The following AUTS2 variants were observed in gnomAD, a reference collection of about 807,000 sequenced individuals.
AUTS2 encodes the protein activator of transcription and developmental regulator AUTS2.
AUTS2 carries 17 observed loss-of-function variants against 112.4 expected under a neutral mutation model. That is an observed-to-expected ratio of 0.15 (90% CI 0.10 to 0.23). AUTS2 has a LOEUF of 0.23. Ranked by LOEUF, AUTS2 falls within the 10% of genes least tolerant of loss-of-function variation. The pLI is 1.00. For missense variants in AUTS2, 1,510 were observed against 1,701.6 expected (o/e 0.89, Z 1.98); for synonymous variants, 751 against 702.7 (o/e 1.07, Z -1.09).
At chr7:70,141,664 C>T (rs557618582) in intron 4 of AUTS2, among the ~76,000 whole-genome samples, 18 of 152,244 alleles carry the variant, frequency 1.2e-4, no homozygotes, top group Middle Eastern at 3.4e-3. Context: ...GACTCCTCCA[C>T]GTGGCGCAGA....
chr7:70,584,691 C>T (rs979031440), intron 5 of AUTS2, among the ~76,000 whole-genome samples: 1 of 152,274 alleles, frequency 6.6e-6, no homozygotes, highest in Admixed American at 6.5e-5. Flanking sequence ...AGCCCCAGAG[C>T]ACCCCTTCAC....
chr7:69,696,774 A>C (rs977160511), intron 1 of AUTS2, among the ~76,000 whole-genome samples: 1 of 152,112 alleles, frequency 6.6e-6, no homozygotes, highest in African/African-American at 2.4e-5. Flanking sequence ...TTTTTTTTCT[A>C]GTGTCTCAGC....
chr7:69,626,372 T>C lies in AUTS2; in HGVS notation c.309+26410T>C, dbSNP rs141224627. 8.4e-3 allele frequency among the ~76,000 whole-genome samples: 1,279 copies of C among 152,330 alleles called. 10 individuals carry two copies. The highest frequency in any genetic ancestry group is 0.014 in the Non-Finnish European group (938 of 68,036). ...TCTTTTAAGCTCCAATTTTCTGTTA[T>C]GTTTTACTTAAACCCCGCCTGGTTG... On this transcript the variant is annotated intron_variant, in intron 1 of 18. Coordinates refer to ENST00000342771, the MANE Select transcript of AUTS2 (RefSeq NM_015570.4).
At chr7:70,245,144 GTA>G (rs71077638) in intron 4 of AUTS2, among the ~76,000 whole-genome samples, 68,598 of 108,938 alleles carry the variant, frequency 0.63, 21,697 homozygotes, top group Admixed American at 0.71. Context: ...GTGTGTGTGT[GTA>G]TATATATATA....
At chr7:70,522,059 A>T (rs1799666781) in intron 5 of AUTS2, among the ~76,000 whole-genome samples, 1 of 152,176 alleles carries the variant, frequency 6.6e-6, no homozygotes, top group Non-Finnish European at 1.5e-5. Flanking sequence ...TAGCATTATT[A>T]TTGCTATGGC....
chr7:70,324,744 A>G (rs1190659593), intron 4 of AUTS2, among the ~76,000 whole-genome samples: 2 of 152,248 alleles, frequency 1.3e-5, no homozygotes, highest in African/African-American at 4.8e-5. Flanking sequence ...TTTCCTAGGA[A>G]GAGCACTAGA....
chr7:70,079,063 C>T (rs2129564342), intron 2 of AUTS2, among the ~76,000 whole-genome samples: 1 of 152,222 alleles, frequency 6.6e-6, no homozygotes, highest in African/African-American at 2.4e-5. Context: ...TTCTGTTTGC[C>T]AGCCCTGCTG....
At chr7:69,835,444 G>T (rs1315840402) in intron 1 of AUTS2, among the ~76,000 whole-genome samples, 1 of 152,138 alleles carries the variant, frequency 6.6e-6, no homozygotes, top group Non-Finnish European at 1.5e-5. Flanking sequence ...CACTAGACAA[G>T]ATGAATCCCA....
intron 6 of AUTS2, among the ~76,000 whole-genome samples, chr7:70,719,193 T>C (rs368257799): frequency 4.5e-4 from 69 of 152,238 alleles, no homozygotes; most frequent in African/African-American, 1.4e-3. Context: ...AGTTACGTCC[T>C]CCACACTCAC....
chr7:70,570,414 A>G (rs574521146), intron 5 of AUTS2, among the ~76,000 whole-genome samples: 7 of 152,340 alleles, frequency 4.6e-5, no homozygotes, highest in South Asian at 2.1e-4. Context: ...ACCTTGTGTT[A>G]AAGTGATTAA....
At chr7:70,306,490 T>A (rs1789499847) in intron 4 of AUTS2, among the ~76,000 whole-genome samples, 1 of 152,370 alleles carries the variant, frequency 6.6e-6, no homozygotes, top group Middle Eastern at 3.4e-3. Flanking sequence ...TCCTGTAGCC[T>A]ATACAAAACA....
intron 1 of AUTS2, among the ~76,000 whole-genome samples, chr7:69,783,890 A>G (rs969637281): frequency 2.0e-5 from 3 of 152,202 alleles, no homozygotes; most frequent in Admixed American, 6.5e-5. Flanking sequence ...AATTTATAGT[A>G]TAAGTCATTT....
At chr7:70,434,139 T>C (rs1562954907) in intron 4 of AUTS2, among the ~76,000 whole-genome samples, 1 of 152,216 alleles carries the variant, frequency 6.6e-6, no homozygotes, top group Admixed American at 6.5e-5. Flanking sequence ...TTCCTTCTTT[T>C]CTTTGTTTAC....
In AUTS2 at chr7:70,297,590, C is replaced by T. The variant is rs561605923; in HGVS notation, c.661-138162C>T. 3.6e-4 allele frequency among the ~76,000 whole-genome samples: 54 copies of T among 151,832 alleles called. 1 individual carries two copies. The highest frequency in any genetic ancestry group is 1.2e-3 in the African/African-American group (51 of 41,426). On this transcript the variant is annotated intron_variant, in intron 4 of 18. Transcript: ENST00000342771. ...GACTACAGGCGCCTGCCACCACACC[C>T]GGGTAATTTTTTTTTTTATATTTGT...
intron 1 of AUTS2, among the ~76,000 whole-genome samples, chr7:69,803,888 C>T (rs933776705): frequency 6.6e-6 from 1 of 152,100 alleles, no homozygotes; most frequent in African/African-American, 2.4e-5. Flanking sequence ...ACAAATTAGC[C>T]AGGCGTGGTT....
chr7:70,641,393 CA>C (rs560265048), intron 5 of AUTS2, among the ~76,000 whole-genome samples: 6 of 148,054 alleles, frequency 4.1e-5, no homozygotes, highest in Non-Finnish European at 4.5e-5. Flanking sequence ...ACTAAAAATA[CA>C]AAAAAAAAAT....
chr7:69,729,243 A>G (rs1295682139), intron 1 of AUTS2, among the ~76,000 whole-genome samples: 2 of 152,158 alleles, frequency 1.3e-5, no homozygotes, highest in Non-Finnish European at 2.9e-5. Context: ...GGAAGAAGGT[A>G]GGCAGAGTAT....
intron 6 of AUTS2, among the ~76,000 whole-genome samples, chr7:70,742,712 A>C (rs1163810201): frequency 6.6e-6 from 1 of 152,174 alleles, no homozygotes; most frequent in African/African-American, 2.4e-5. Flanking sequence ...CAGTGAGCCG[A>C]GATCGCGCCC....
chr7:70,175,678 A>G (rs1219786186), intron 4 of AUTS2, among the ~76,000 whole-genome samples: 1 of 152,308 alleles, frequency 6.6e-6, no homozygotes, highest in East Asian at 1.9e-4. Flanking sequence ...CAAAAAGATT[A>G]TGACTTGCCA....
Sources: allele counts gnomAD v4.1 joint callset (sites outside exome capture counted in the v4.1 genomes callset), GRCh38; gene constraint gnomAD v4.1.1; transcripts MANE v1.5; gene names NCBI Gene and HGNC (gene_info 2026-07-23, HGNC 2026-07-21).